TENM4: variants seen among roughly 807,000 people sequenced by gnomAD.
The protein encoded by TENM4 is teneurin transmembrane protein 4.
In TENM4, 82 loss-of-function variants were observed where a neutral mutation model predicts 243.3. The observed-to-expected ratio is 0.34, with a 90% CI of 0.28 to 0.40. TENM4 has a LOEUF of 0.40. TENM4 is among the 10% of genes least tolerant of loss of function. The probability of loss-of-function intolerance (pLI) is 1.00; values close to 1 mark genes in which losing one functional copy is unlikely to be tolerated. For missense variants in TENM4, 3,138 were observed against 3,673.3 expected, an observed-to-expected ratio of 0.85 and a Z score of 3.77; for synonymous variants, 1,412 against 1,456.3, an observed-to-expected ratio of 0.97 and a Z score of 0.69.
At chr11:78,757,230 A>G (rs1856332517) in intron 18 of TENM4, among the ~76,000 whole-genome samples, 1 of 152,260 alleles carries the variant, frequency 6.6e-6, no homozygotes, top group Admixed American at 6.5e-5. Context: ...AGAGATAGAC[A>G]GTAAGTGTAC....
At chr11:79,166,337 C>A (rs927568765) in intron 3 of TENM4, among the ~76,000 whole-genome samples, 1 of 152,208 alleles carries the variant, frequency 6.6e-6, no homozygotes, top group African/African-American at 2.4e-5. Context: ...AGAGCATGTT[C>A]TCTTTTTAAG....
At chr11:78,723,814 G>A (rs141498194) in intron 23 of TENM4, among the ~76,000 whole-genome samples, 1 of 152,234 alleles carries the variant, frequency 6.6e-6, no homozygotes, top group East Asian at 1.9e-4. Context: ...ACTGTTACCT[G>A]TTAGCTTTGT....
chr11:79,075,750 A>C (rs554293975), intron 4 of TENM4, among the ~76,000 whole-genome samples: 2 of 152,342 alleles, frequency 1.3e-5, no homozygotes, highest in Non-Finnish European at 2.9e-5. Context: ...GAGATGTGTA[A>C]GACCCTGGCA....
Position 79,160,639 on chromosome 11 carries a change from CA to C in TENM4, c.-162-11834del, listed in dbSNP as rs370539044. On this transcript the variant is annotated intron_variant, in intron 3 of 33. Transcript: ENST00000278550. ...TTACTACAGTGACAGGTGCCAGGGT[CA>C]GGGGTGAATATAGAGGCTTATCAGC... Among the ~76,000 whole-genome samples the C allele has an allele frequency of 3.6e-3, 541 of 152,218 alleles. 11 individuals are homozygous for C. The South Asian group carries it at 0.055, about 15-fold the overall frequency.
chr11:79,020,536 G>A (rs575748815), intron 6 of TENM4, among the ~76,000 whole-genome samples: 37 of 152,000 alleles, frequency 2.4e-4, no homozygotes, highest in Non-Finnish European at 4.6e-4. Context: ...ATGAACAATA[G>A]CTTGCAGCTC....
intron 19 of TENM4, among the ~76,000 whole-genome samples, chr11:78,752,218 T>C (rs1462008081): frequency 6.6e-6 from 1 of 152,190 alleles, no homozygotes; most frequent in Non-Finnish European, 1.5e-5. Flanking sequence ...GGGACACAGA[T>C]GAACCAGAGA....
chr11:78,795,082 C>T lies in TENM4; in HGVS notation c.2180-7999G>A, dbSNP rs112057605. ...ATTTCCATAGTCTGGGCTCCTTTACCGTGATCTTCATGTATTCAAATCTAA... is the reference window on the plus strand; with the variant it reads ...ATTTCCATAGTCTGGGCTCCTTTACTGTGATCTTCATGTATTCAAATCTAA... On this transcript the variant is annotated intron_variant, in intron 15 of 33. Coordinates refer to ENST00000278550, the MANE Select transcript of TENM4 (RefSeq NM_001098816.3). Among the ~76,000 whole-genome samples, 183 of 152,244 alleles carry T rather than the reference C, an allele frequency of 1.2e-3. 1 individual carries two copies. The highest frequency in any genetic ancestry group is 4.2e-3 in the African/African-American group (173 of 41,548).
chr11:78,937,697 G>A (rs1271277111), intron 6 of TENM4, among the ~76,000 whole-genome samples: 1 of 152,162 alleles, frequency 6.6e-6, no homozygotes, highest in Non-Finnish European at 1.5e-5. Context: ...AAGCCAAAAC[G>A]AAGCTGTTCA....
At chr11:79,065,558 C>T (rs987297915) in intron 5 of TENM4, among the ~76,000 whole-genome samples, 2 of 152,210 alleles carry the variant, frequency 1.3e-5, no homozygotes, top group African/African-American at 4.8e-5. Flanking sequence ...GAAGCCCAGT[C>T]GATGAGATCT....
intron 12 of TENM4, among the ~76,000 whole-genome samples, chr11:78,822,489 A>G (rs950983066): frequency 6.6e-6 from 1 of 152,224 alleles, no homozygotes; most frequent in Non-Finnish European, 1.5e-5. Flanking sequence ...ATACATATAG[A>G]TGAAAAAGCT....
In TENM4 at chr11:78,805,282, C is replaced by CACCCCCCCCCCCCCCCCCCCCCTTT; in HGVS notation, c.2179+9_2179+10insAAAGGGGGGGGGGGGGGGGGGGGGT. On this transcript the variant is annotated intron_variant, in intron 15 of 33. Transcript: ENST00000278550. ...CCCTCTACCCATGCTTCTTCTCCCC[C>CACCCCCCCCCCCCCCCCCCCCCTTT]TGCATTTACCGATAGAACAGTCGTG... The CACCCCCCCCCCCCCCCCCCCCCTTT allele has an allele frequency of 1.0e-6, 1 of 995,564 alleles. No homozygotes were observed. The highest frequency in any genetic ancestry group is 1.2e-6 in the Non-Finnish European group (1 of 823,788). The allele number at this position is 995,564 out of a possible 1,614,324, so 61.7% of individuals were successfully genotyped here. A position where few individuals can be genotyped will look rare whatever the true frequency, so the allele number is the denominator to read the frequency against.
chr11:78,799,144 G>A (rs1026855373), intron 15 of TENM4, among the ~76,000 whole-genome samples: 1 of 152,200 alleles, frequency 6.6e-6, no homozygotes, highest in African/African-American at 2.4e-5. Context: ...CAGGAAGCTT[G>A]TGATGCTGAG....
At position 78,688,055 on chromosome 11, in the gene TENM4, T is replaced by C. The variant is rs1202944972; in HGVS notation, c.5259A>G (p.Gln1753=). The change falls in exon 29 of 34, where the codon CAA becomes CAG. Residue 1753 remains glutamine (Q), a splice_region_variant and synonymous_variant. Transcript: ENST00000278550. The stretch of plus-strand genomic sequence containing the variant: ...TCCCCTGGCCCCCACCTGACTTACC[T>C]TGCAGCAGTGTGTAGAAGGCGCCTG... ...SASGAFYTLL[Q]DQVRNSYYIG... 3.1e-6 allele frequency: 5 copies of C among 1,613,612 alleles called. No homozygotes were observed. The South Asian group carries it at 3.3e-5, about 11-fold the overall frequency.
At chr11:79,298,491 C>T (rs1439289486) in intron 1 of TENM4, among the ~76,000 whole-genome samples, 6 of 133,278 alleles carry the variant, frequency 4.5e-5, no homozygotes, top group South Asian at 2.6e-4. Flanking sequence ...GTCCGCAGTC[C>T]GGCCTGGGTG....
intron 19 of TENM4, among the ~76,000 whole-genome samples, chr11:78,751,821 G>A (rs1340704183): frequency 6.6e-6 from 1 of 152,114 alleles, no homozygotes; most frequent in Non-Finnish European, 1.5e-5. Flanking sequence ...ACCCCACAGT[G>A]TGTGTCCTGG....
chr11:79,207,169 T>C (rs1327135755), intron 3 of TENM4, among the ~76,000 whole-genome samples: 2 of 152,104 alleles, frequency 1.3e-5, no homozygotes, highest in African/African-American at 2.4e-5. Context: ...CAGGGGGACC[T>C]GGGAGAATGA....
chr11:78,751,268 AT>A (rs1856185783), intron 19 of TENM4, among the ~76,000 whole-genome samples: 1 of 152,060 alleles, frequency 6.6e-6, no homozygotes, highest in Non-Finnish European at 1.5e-5. Context: ...ATAGGATACG[AT>A]TCTCTGCCTC....
chr11:79,258,938 G>GC lies in TENM4; in HGVS notation c.-265+38549dup, dbSNP rs149563380. On this transcript the variant is annotated intron_variant, in intron 2 of 33. Coordinates refer to ENST00000278550, the MANE Select transcript of TENM4 (RefSeq NM_001098816.3). Reference sequence around the variant, plus strand: ...AATCTGAAGCTGAGTTCCAGTCCTGGCCCCCCCCACCTACTAGCTGTATGG... The same window carrying GC: ...AATCTGAAGCTGAGTTCCAGTCCTGGCCCCCCCCCACCTACTAGCTGTATGG... Among the ~76,000 whole-genome samples, 659 of 151,766 alleles carry GC rather than the reference G, an allele frequency of 4.3e-3. 6 individuals carry two copies. Among genetic ancestry groups the GC allele is most frequent in the African/African-American group, 0.015 (602 of 41,388 alleles).
At chr11:79,131,294 C>G (rs1195603534) in intron 4 of TENM4, among the ~76,000 whole-genome samples, 1 of 152,146 alleles carries the variant, frequency 6.6e-6, no homozygotes, top group Admixed American at 6.5e-5. Flanking sequence ...ACGAGGTAAC[C>G]TATAAGGGAA....
Sources: allele counts gnomAD v4.1 joint callset (sites outside exome capture counted in the v4.1 genomes callset), GRCh38; gene constraint gnomAD v4.1.1; transcripts MANE v1.5; gene names NCBI Gene and HGNC (gene_info 2026-07-23, HGNC 2026-07-21).